The following SLC20A2 variants were observed in gnomAD, a reference collection of about 807,000 sequenced individuals.
SLC20A2 encodes solute carrier family 20 member 2.
In SLC20A2, 30 loss-of-function variants were observed where a neutral mutation model predicts 61.0. The ratio of observed to expected loss-of-function variants is 0.49; its 90% CI spans 0.37 to 0.67. SLC20A2 has a LOEUF of 0.67. Among genes scored for constraint, SLC20A2 ranks in the 30% least tolerant of loss-of-function variants. The pLI is 0.00. For missense variants in SLC20A2, 626 were observed against 866.4 expected (o/e 0.72, Z 3.48); for synonymous variants, 351 against 353.3 (o/e 0.99, Z 0.07).
intron 7 of SLC20A2, 151 bp downstream of exon 7, chr8:42,439,299 G>T (rs1424132992): frequency 1.3e-5 from 9 of 682,244 alleles, no homozygotes; most frequent in Admixed American, 5.8e-5. Flanking sequence ...GTTTCCTGAG[G>T]CCTCCCTAGC....
At chr8:42,525,581 C>CAAA (rs34356863) in intron 1 of SLC20A2, among the ~76,000 whole-genome samples, 295 of 68,246 alleles carry the variant, frequency 4.3e-3, no homozygotes, top group African/African-American at 5.0e-3. Context: ...GACTCTGTCT[C>CAAA]AAAAAAAAAA....
At chr8:42,456,376 C>T (rs545210090) in intron 5 of SLC20A2, among the ~76,000 whole-genome samples, 5 of 152,114 alleles carry the variant, frequency 3.3e-5, no homozygotes, top group Non-Finnish European at 5.9e-5. Context: ...ACCTGGGAGG[C>T]GTCTGGTGAT....
intron 7 of SLC20A2, 49 bp downstream of exon 7, chr8:42,439,401 G>T (rs1227269867): frequency 6.3e-7 from 1 of 1,586,682 alleles, no homozygotes; most frequent in Non-Finnish European, 8.6e-7. Context: ...CCTCCCCAGG[G>T]AACTTCTCTG....
At chr8:42,487,831 A>G (rs1809154501) in intron 1 of SLC20A2, among the ~76,000 whole-genome samples, 1 of 152,202 alleles carries the variant, frequency 6.6e-6, no homozygotes, top group African/African-American at 2.4e-5. Flanking sequence ...AACCACTGCC[A>G]CCATCCAGCC....
chr8:42,452,481 A>C (rs555614860), intron 5 of SLC20A2, among the ~76,000 whole-genome samples: 9 of 140,150 alleles, frequency 6.4e-5, no homozygotes, highest in Non-Finnish European at 1.4e-4. Flanking sequence ...GAAGGGATGA[A>C]GAGGAGGAGT....
intron 5 of SLC20A2, among the ~76,000 whole-genome samples, chr8:42,447,635 C>T (rs1805332414): frequency 6.6e-6 from 1 of 152,110 alleles, no homozygotes; most frequent in African/African-American, 2.4e-5. Context: ...CAAGATCACG[C>T]CACTGCACTC....
intron 4 of SLC20A2, among the ~76,000 whole-genome samples, chr8:42,460,634 C>T (rs577665940): frequency 6.6e-6 from 1 of 152,318 alleles, no homozygotes; most frequent in East Asian, 1.9e-4. Flanking sequence ...TGCCATTCGA[C>T]ATTTATTAAC....
At chr8:42,456,667 G>A (rs564444020) in intron 5 of SLC20A2, among the ~76,000 whole-genome samples, 5 of 151,318 alleles carry the variant, frequency 3.3e-5, no homozygotes, top group Non-Finnish European at 7.4e-5. Context: ...GGGAGGCAGA[G>A]GTTGCAGTGA....
rs1355537115 is a variant in SLC20A2, at chr8:42,443,273, A to T, written c.730+1373T>A. ...ACAATTATTATTATAGGATATATAT[A>T]TATATATATATATATATATATATAT... On this transcript the variant is annotated intron_variant, in intron 6 of 10. Transcript: ENST00000520262. Among the ~76,000 whole-genome samples the T allele has an allele frequency of 1.8e-3, 142 of 77,672 alleles. 1 individual carries two copies. The highest frequency in any genetic ancestry group is 7.3e-3 in the South Asian group (19 of 2,602). The allele number at this position is 77,672 out of a possible 152,430, so 51.0% of individuals were successfully genotyped here.
chr8:42,535,147 T>C (rs1017829519), intron 1 of SLC20A2: 8 of 152,194 alleles, frequency 5.3e-5, no homozygotes, highest in African/African-American at 1.9e-4. Context: ...TCTTCATGAG[T>C]CATTTGGCCA....
upstream of SLC20A2, among the ~76,000 whole-genome samples, chr8:42,504,080 C>T (rs1810486551): frequency 6.6e-6 from 1 of 152,148 alleles, no homozygotes; most frequent in Non-Finnish European, 1.5e-5. Flanking sequence ...GCTGGGACTA[C>T]AGGCACGTGC....
upstream of SLC20A2, chr8:42,501,312 G>A (rs1204342731): frequency 6.6e-6 from 1 of 152,238 alleles, no homozygotes; most frequent in Admixed American, 6.5e-5. Context: ...CAAGGGGCGT[G>A]CCCTGGTGAA....
At chr8:42,539,341 G>T (rs1354044859) in intron 1 of SLC20A2, among the ~76,000 whole-genome samples, 2 of 152,146 alleles carry the variant, frequency 1.3e-5, no homozygotes, top group African/African-American at 2.4e-5. Flanking sequence ...ACTGTTAATT[G>T]TAACTGTTAT....
chr8:42,511,915 C>A (rs538910034), intron 1 of SLC20A2, among the ~76,000 whole-genome samples: 1 of 152,134 alleles, frequency 6.6e-6, no homozygotes, highest in East Asian at 1.9e-4. Context: ...CCAGAAGGAT[C>A]AACAACTCAG....
At chr8:42,527,233 G>A (rs766296174) in intron 1 of SLC20A2, among the ~76,000 whole-genome samples, 1 of 151,238 alleles carries the variant, frequency 6.6e-6, no homozygotes, top group Non-Finnish European at 1.5e-5. Flanking sequence ...GTGAAACCCC[G>A]TCTCTACTAA....
At chr8:42,466,733 A>G (rs1343421774) in intron 2 of SLC20A2, among the ~76,000 whole-genome samples, 1 of 152,078 alleles carries the variant, frequency 6.6e-6, no homozygotes, top group Admixed American at 6.6e-5. Context: ...CAGCTGCAAA[A>G]TCATGGCTCA....
At chr8:42,513,423 G>A (rs758138749) in intron 1 of SLC20A2, among the ~76,000 whole-genome samples, 6 of 152,138 alleles carry the variant, frequency 3.9e-5, no homozygotes, top group East Asian at 1.9e-4. Context: ...TCAATGTTTG[G>A]GGGTATTTTA....
At chr8:42,444,826 G>A (rs886612902) in intron 5 of SLC20A2, 64 bp from the exon 6 acceptor site, 226 of 1,175,964 alleles carry the variant, frequency 1.9e-4, no homozygotes, top group Non-Finnish European at 2.6e-4. Context: ...GCCTCAGGGC[G>A]GTGGACTTCC....
At chr8:42,486,814 A>C (rs1267339535) in intron 1 of SLC20A2, among the ~76,000 whole-genome samples, 1 of 152,174 alleles carries the variant, frequency 6.6e-6, no homozygotes, top group Non-Finnish European at 1.5e-5. Context: ...GGATGTGTAC[A>C]TTAGTGTTCT....
Sources: allele counts gnomAD v4.1 joint callset (sites outside exome capture counted in the v4.1 genomes callset), GRCh38; gene constraint gnomAD v4.1.1; transcripts MANE v1.5; gene names NCBI Gene and HGNC (gene_info 2026-07-23, HGNC 2026-07-21).